The following ZNF568 variants were observed in gnomAD, a reference collection of about 807,000 sequenced individuals.
ZNF568 encodes zinc finger protein 568, also known as p53 inhibitor of SCO2 activation.
In ZNF568, 11 loss-of-function variants were observed where a neutral mutation model predicts 18.1. The observed-to-expected ratio is 0.61, with a 90% CI of 0.38 to 1.00. The LOEUF (loss-of-function observed/expected upper bound fraction) is 1.00. ZNF568 is among the 50% of genes least tolerant of loss of function. The pLI is 0.01. For synonymous variants in ZNF568, 213 were observed against 246.6 expected, an observed-to-expected ratio of 0.86 and a Z score of 1.28; for missense variants, 639 against 768.2, an observed-to-expected ratio of 0.83 and a Z score of 1.99.
chr19:36,974,675 C>T (rs2074265889), intron 7 of ZNF568, among the ~76,000 whole-genome samples: 1 of 152,152 alleles, frequency 6.6e-6, no homozygotes, highest in African/African-American at 2.4e-5. Context: ...TTCCACTTCC[C>T]TGGATTTTAT....
chr19:36,923,026 A>G (rs903366520), intron 3 of ZNF568, among the ~76,000 whole-genome samples, 180 bp downstream of exon 3: 2 of 113,674 alleles, frequency 1.8e-5, no homozygotes, highest in African/African-American at 7.8e-5. Flanking sequence ...AAATTTTGAA[A>G]TGCAATTTTT....
At chr19:36,981,656 C>T (rs1354247605), downstream of ZNF568, among the ~76,000 whole-genome samples, 1 of 152,162 alleles carries the variant, frequency 6.6e-6, no homozygotes, top group Non-Finnish European at 1.5e-5. Flanking sequence ...AGGCGAATCA[C>T]TTAAGCCCAG....
chr19:36,929,863 G>A (rs1432264801), intron 4 of ZNF568, among the ~76,000 whole-genome samples: 3 of 151,134 alleles, frequency 2.0e-5, no homozygotes, highest in African/African-American at 7.3e-5. Flanking sequence ...AAAAAAAAAA[G>A]TGAAGGAGAG....
chr19:36,928,523 G>T (rs931736650), intron 4 of ZNF568, among the ~76,000 whole-genome samples: 2 of 152,156 alleles, frequency 1.3e-5, no homozygotes, highest in East Asian at 1.9e-4. Context: ...CAACCAGCTT[G>T]CCAGTGCTAC....
intron 2 of ZNF568, among the ~76,000 whole-genome samples, chr19:36,919,846 T>G (rs1236996840): frequency 6.6e-6 from 1 of 152,172 alleles, no homozygotes; most frequent in Non-Finnish European, 1.5e-5. Flanking sequence ...ACAAACCTAC[T>G]CTGCTGCCAG....
At chr19:36,992,242 CAAAAAAA>C (rs66941480) in intron 4 of ZNF568, among the ~76,000 whole-genome samples, 69,161 of 117,996 alleles carry the variant, frequency 0.59, 17,949 homozygotes, top group Middle Eastern at 0.65. Context: ...GACTCCGTCT[CAAAAAAA>C]AAAAAAAAAA....
At chr19:36,944,356 C>T (rs888769206) in intron 6 of ZNF568, among the ~76,000 whole-genome samples, 17 of 151,468 alleles carry the variant, frequency 1.1e-4, no homozygotes, top group African/African-American at 3.9e-4. Flanking sequence ...CGAGATCATG[C>T]CATTGCACTC....
At chr19:36,966,848 G>A (rs924557000) in intron 6 of ZNF568, among the ~76,000 whole-genome samples, 1 of 152,242 alleles carries the variant, frequency 6.6e-6, no homozygotes, top group African/African-American at 2.4e-5. Flanking sequence ...TATCTGGCCT[G>A]GGCCTGGCAG....
chr19:36,933,924 G>GTTTTTTTTTTTTTTTTTTTTTTTTTTT (rs140279289), intron 4 of ZNF568, among the ~76,000 whole-genome samples: 4 of 29,922 alleles, frequency 1.3e-4, no homozygotes, highest in Non-Finnish European at 1.9e-4. Flanking sequence ...TTGTTTTTTT[G>GTTTTTTTTTTTTTTTTTTTTTTTTTTT]TTTTTTTTTT....
chr19:36,951,874 C>A lies in ZNF568; in HGVS notation c.*786C>A. On this transcript the variant is annotated 3_prime_UTR_variant, in exon 7 of 7. Transcript: ENST00000333987. ...GAACTCCTGACTTCAAAAGTGATCGCCCTCTTTGGCCTCCCAAAGTGCTGG... is the reference window on the plus strand; with the variant it reads ...GAACTCCTGACTTCAAAAGTGATCGACCTCTTTGGCCTCCCAAAGTGCTGG... The A allele has an allele frequency of 1.1e-6, 1 of 905,610 alleles. No individual in the cohort carries two copies. The highest frequency in any genetic ancestry group is 1.3e-6 in the Non-Finnish European group (1 of 758,086). The allele number at this position is 905,610 out of a possible 1,614,324, so 56.1% of individuals were successfully genotyped here.
chr19:36,925,754 G>C (rs1437387780), intron 4 of ZNF568, among the ~76,000 whole-genome samples: 2 of 152,004 alleles, frequency 1.3e-5, no homozygotes, highest in Non-Finnish European at 2.9e-5. Context: ...AAACAACATA[G>C]TGTAACAACT....
At chr19:36,925,675 A>G (rs955185707) in intron 4 of ZNF568, among the ~76,000 whole-genome samples, 1 of 143,678 alleles carries the variant, frequency 7.0e-6, no homozygotes, top group African/African-American at 2.7e-5. Flanking sequence ...CAAATCAAAA[A>G]TACTTGAAAA....
chr19:36,989,462 G>A (rs1456246066), intron 2 of ZNF568, among the ~76,000 whole-genome samples: 1 of 152,172 alleles, frequency 6.6e-6, no homozygotes, highest in African/African-American at 2.4e-5. Context: ...GGATTTACAG[G>A]TGTGAGCCAC....
At chr19:36,929,353 A>G (rs1401183021) in intron 4 of ZNF568, among the ~76,000 whole-genome samples, 2 of 152,144 alleles carry the variant, frequency 1.3e-5, no homozygotes, top group East Asian at 3.8e-4. Flanking sequence ...AGCTGGATCA[A>G]TACAGCAAGA....
At chr19:36,979,229 T>C (rs1644659) in exon 8 of ZNF568, 97,267 of 181,508 alleles carry the variant, frequency 0.54, 27,009 homozygotes, top group African/African-American at 0.67. Flanking sequence ...GTGATCCGCC[T>C]GCCTTGGCCT....
intron 2 of ZNF568, chr19:36,991,088 A>G (rs2074420224): frequency 1.4e-6 from 2 of 1,381,760 alleles, no homozygotes; most frequent in Admixed American, 2.4e-5. Context: ...GAACTTCCCT[A>G]TTGAATTGCT....
rs1193440344 is a variant in ZNF568, at chr19:36,975,681, C to CTT, written c.405+1235_405+1236dup. ...GCAGGCGTGAGCCACCGCGCCAAGA[C>CTT]TTTTTTTTTTTTTTTTTTTTTGAGA... On this transcript the variant is annotated intron_variant, in intron 7 of 7. Transcript: ENST00000427117. Among the ~76,000 whole-genome samples, 34 of 75,772 alleles carry CTT rather than the reference C, an allele frequency of 4.5e-4. 2 individuals are homozygous for CTT. The highest frequency in any genetic ancestry group is 2.7e-3 in the East Asian group (8 of 2,952). The allele number at this position is 75,772 out of a possible 152,430, so 49.7% of individuals were successfully genotyped here.
At chr19:36,930,030 G>T (rs1281345917) in intron 4 of ZNF568, among the ~76,000 whole-genome samples, 1 of 150,738 alleles carries the variant, frequency 6.6e-6, no homozygotes, top group Non-Finnish European at 1.5e-5. Context: ...TTTAAGGTTC[G>T]AACCCCTATG....
intron 2 of ZNF568, among the ~76,000 whole-genome samples, chr19:36,987,114 A>G (rs1426558973): frequency 6.6e-6 from 1 of 152,206 alleles, no homozygotes; most frequent in Admixed American, 6.5e-5. Context: ...AGGAACTTAA[A>G]GTGCTTAAAG....
Sources: gnomAD v4.1 joint callset for allele counts (sites outside exome capture counted in the v4.1 genomes callset) on GRCh38, gnomAD v4.1.1 for gene constraint, MANE v1.5 for transcripts, NCBI Gene and HGNC (gene_info 2026-07-23, HGNC 2026-07-21) for gene names.